The following CFAP68 variants were observed in gnomAD, a reference collection of about 807,000 sequenced individuals.
The protein encoded by CFAP68 is cilia and flagella associated protein 68.
chr11:111,879,794 C>T, the CFAP68 span, among the ~76,000 whole-genome samples: 2 of 152,056 alleles, frequency 1.3e-5, no homozygotes, highest in African/African-American at 4.8e-5. Flanking sequence ...GGTGTGTGCT[C>T]TGGGAGCACA....
At chr11:111,883,327 C>T in the CFAP68 span, 3 of 780,294 alleles carry the variant, frequency 3.8e-6, no homozygotes, top group Non-Finnish European at 2.1e-6. Context: ...CAGTGGCTCA[C>T]ACCTGTAACC....
the CFAP68 span, chr11:111,883,906 A>G: frequency 3.4e-6 from 5 of 1,457,432 alleles, no homozygotes; most frequent in South Asian, 5.8e-5. Context: ...GGATGTGTAT[A>G]AGATCTTAAT....
At chr11:111,884,930 C>T in the CFAP68 span, 1 of 150,848 alleles carries the variant, frequency 6.6e-6, no homozygotes, top group Non-Finnish European at 1.5e-5. Context: ...GTGGGTGGAT[C>T]ACCTGAGGTC....
chr11:111,881,764 G>A, the CFAP68 span: 1 of 955,780 alleles, frequency 1.0e-6, no homozygotes, highest in Non-Finnish European at 1.5e-6. Context: ...GAAGGACAGG[G>A]TACAATAATG....
the CFAP68 span, chr11:111,881,687 CA>C: frequency 6.2e-5 from 89 of 1,431,922 alleles, no homozygotes; most frequent in South Asian, 3.6e-4. Flanking sequence ...TTTATCTTAC[CA>C]AAAAAAATGA....
At chr11:111,882,696 C>A in the CFAP68 span, 1 of 1,126,286 alleles carries the variant, frequency 8.9e-7, no homozygotes, top group African/African-American at 1.6e-5. Flanking sequence ...ACTTCTGGTG[C>A]AGTGATCTCT....
At chr11:111,885,392 A>G in the CFAP68 span, 1 of 152,194 alleles carries the variant, frequency 6.6e-6, no homozygotes, top group Non-Finnish European at 1.5e-5. Flanking sequence ...CCCCCCAACA[A>G]AGGTCACTAA....
chr11:111,882,531 T>C, the CFAP68 span: 3 of 1,614,012 alleles, frequency 1.9e-6, no homozygotes, highest in South Asian at 3.3e-5. Context: ...CGTACCCTGA[T>C]GGGCAACTGG....
the CFAP68 span, chr11:111,879,606 G>T: frequency 6.2e-7 from 1 of 1,613,388 alleles, no homozygotes; most frequent in African/African-American, 1.3e-5. Context: ...TCTCTTCCAG[G>T]TGCTTAAATC....
At chr11:111,882,293 A>G in the CFAP68 span, 165 of 1,301,500 alleles carry the variant, frequency 1.3e-4, 2 homozygotes, top group Middle Eastern at 1.7e-3. Context: ...GGCTATGTAA[A>G]ACAAGGGCAG....
chr11:111,883,844 A>G, the CFAP68 span: 1 of 1,612,890 alleles, frequency 6.2e-7, no homozygotes, highest in East Asian at 2.2e-5. Flanking sequence ...AATGCACAGA[A>G]AAGTCAACTT....
chr11:111,880,772 TTG>T, the CFAP68 span: 2 of 456,224 alleles, frequency 4.4e-6, no homozygotes, highest in East Asian at 6.9e-5. Flanking sequence ...GAATTATTTC[TTG>T]TGTCTCTTGG....
At chr11:111,884,150 C>A in the CFAP68 span, 1 of 291,912 alleles carries the variant, frequency 3.4e-6, no homozygotes, top group Non-Finnish European at 6.3e-6. Context: ...CTCAGTTCTA[C>A]ATTTGGGGTG....
At chr11:111,879,634 T>C in the CFAP68 span, 1 of 1,604,702 alleles carries the variant, frequency 6.2e-7, no homozygotes, top group Non-Finnish European at 8.5e-7. Context: ...TTCTATTCGT[T>C]CAAGAAAGAG....
At chr11:111,884,626 A>C in the CFAP68 span, 2 of 152,178 alleles carry the variant, frequency 1.3e-5, no homozygotes, top group Admixed American at 6.5e-5. Flanking sequence ...CGTATAGTGC[A>C]ACTTTGCTGT....
the CFAP68 span, among the ~76,000 whole-genome samples, chr11:111,883,560 T>A: frequency 2.0e-5 from 3 of 150,788 alleles, no homozygotes; most frequent in South Asian, 6.3e-4. Context: ...GCCACTGCAC[T>A]CCTGCCTGGG....
chr11:111,881,318 A>C, the CFAP68 span: 1 of 1,446,442 alleles, frequency 6.9e-7, no homozygotes, highest in Non-Finnish European at 9.0e-7. Context: ...CAGTGCATGC[A>C]TCTGTCTTCA....
At chr11:111,885,665 G>A in the CFAP68 span, 39 of 152,130 alleles carry the variant, frequency 2.6e-4, no homozygotes. Context: ...AAACTGATTA[G>A]TATTTCCTAT....
chr11:111,880,175 T>C, the CFAP68 span, among the ~76,000 whole-genome samples: 54 of 152,322 alleles, frequency 3.5e-4, no homozygotes, highest in Middle Eastern at 3.4e-3. Flanking sequence ...TTGCACCTAA[T>C]AGTTTTTCAA....
Sources: gnomAD v4.1 joint callset for allele counts (sites outside exome capture counted in the v4.1 genomes callset) on GRCh38, gnomAD v4.1.1 for gene constraint, MANE v1.5 for transcripts, NCBI Gene and HGNC (gene_info 2026-07-23, HGNC 2026-07-21) for gene names.